SHANK2: variants seen among roughly 807,000 people sequenced by gnomAD.
SHANK2 encodes the protein SH3 and multiple ankyrin repeat domains 2.
SHANK2 carries 43 observed loss-of-function variants against 133.7 expected under a neutral mutation model. The observed-to-expected ratio is 0.32, with a 90% CI of 0.25 to 0.41. The LOEUF (loss-of-function observed/expected upper bound fraction) is 0.41, where lower values mean the gene tolerates loss of function less well. Among genes scored for constraint, SHANK2 ranks in the 10% least tolerant of loss-of-function variants. The pLI is 1.00. For missense variants in SHANK2, 1,994 were observed against 2,235.8 expected, an observed-to-expected ratio of 0.89 and a Z score of 2.18; for synonymous variants, 1,017 against 952.8, an observed-to-expected ratio of 1.07 and a Z score of -1.24.
chr11:70,704,873 C>A (rs1407570094), intron 14 of SHANK2, among the ~76,000 whole-genome samples: 1 of 152,228 alleles, frequency 6.6e-6, no homozygotes, highest in African/African-American at 2.4e-5. Flanking sequence ...TCTTAGCTCT[C>A]CTGTGGTTGA....
At chr11:71,189,567 T>A (rs1239978533) in intron 2 of SHANK2, among the ~76,000 whole-genome samples, 1 of 152,152 alleles carries the variant, frequency 6.6e-6, no homozygotes, top group Non-Finnish European at 1.5e-5. Flanking sequence ...CCAGCTAAGT[T>A]TTTTTTATTT....
At chr11:70,944,557 G>A (rs1393521244) in intron 10 of SHANK2, among the ~76,000 whole-genome samples, 1 of 152,230 alleles carries the variant, frequency 6.6e-6, no homozygotes, top group Non-Finnish European at 1.5e-5. Flanking sequence ...CCATATGGCT[G>A]CTGAGAGGTC....
chr11:71,066,952 G>T (rs1470112272), intron 9 of SHANK2, among the ~76,000 whole-genome samples: 6 of 152,160 alleles, frequency 3.9e-5, no homozygotes, highest in African/African-American at 1.4e-4. Context: ...CCAGTCAGTG[G>T]GTTACAGGAA....
intron 14 of SHANK2, among the ~76,000 whole-genome samples, chr11:70,734,953 G>T (rs568532207): frequency 6.6e-6 from 1 of 152,222 alleles, no homozygotes; most frequent in African/African-American, 2.4e-5. Context: ...CAGTACAAGG[G>T]GGATTCTGGG....
chr11:70,813,693 T>A (rs751287381), intron 12 of SHANK2, among the ~76,000 whole-genome samples: 3 of 152,070 alleles, frequency 2.0e-5, no homozygotes, highest in Non-Finnish European at 4.4e-5. Context: ...GCCCTTAGCG[T>A]CTGTCAAATG....
intron 17 of SHANK2, among the ~76,000 whole-genome samples, chr11:70,585,193 G>A (rs983789751): frequency 6.6e-6 from 1 of 152,242 alleles, no homozygotes; most frequent in Admixed American, 6.5e-5. Context: ...TCGAGGGTGG[G>A]CTCCTGATCA....
At chr11:70,863,820 C>A (rs1555068445) in intron 11 of SHANK2, 3 of 457,788 alleles carry the variant, frequency 6.6e-6, no homozygotes, top group Non-Finnish European at 1.3e-5. Flanking sequence ...GAAACCTGGA[C>A]AGACAGGAAG....
At chr11:71,230,222 A>G (rs3020026) in intron 1 of SHANK2, among the ~76,000 whole-genome samples, 81,231 of 151,846 alleles carry the variant, frequency 0.53, 24,989 homozygotes, top group African/African-American at 0.86. Flanking sequence ...CCTGGGAAGC[A>G]GAGGTTGCAG....
intron 17 of SHANK2, among the ~76,000 whole-genome samples, chr11:70,592,537 G>A (rs551085396): frequency 6.6e-6 from 1 of 152,170 alleles, no homozygotes; most frequent in East Asian, 1.9e-4. Context: ...TCTGAAGGCC[G>A]TGCGGCATCT....
intron 17 of SHANK2, among the ~76,000 whole-genome samples, chr11:70,528,056 C>T (rs1210040433): frequency 1.3e-5 from 2 of 152,226 alleles, no homozygotes; most frequent in East Asian, 3.9e-4. Context: ...GTCCTCCCAT[C>T]CCTGCAGATG....
At chr11:70,887,155 G>A (rs1949760064) in intron 11 of SHANK2, among the ~76,000 whole-genome samples, 1 of 152,186 alleles carries the variant, frequency 6.6e-6, no homozygotes, top group Non-Finnish European at 1.5e-5. Context: ...CCGGCACCCG[G>A]ACAGTCTTGC....
chr11:70,600,226 C>G (rs1480185336), intron 17 of SHANK2, among the ~76,000 whole-genome samples: 2 of 151,784 alleles, frequency 1.3e-5, no homozygotes, highest in Non-Finnish European at 2.9e-5. Flanking sequence ...TGAGACCAAC[C>G]TGAACAACAT....
At chr11:71,235,253 C>T (rs1555123550) in intron 1 of SHANK2, among the ~76,000 whole-genome samples, 11 of 152,056 alleles carry the variant, frequency 7.2e-5, no homozygotes, top group Non-Finnish European at 1.6e-4. Flanking sequence ...GAACTTCTGG[C>T]CCCACTAGCT....
intron 11 of SHANK2, among the ~76,000 whole-genome samples, chr11:70,832,114 G>A (rs1948735259): frequency 6.6e-6 from 1 of 152,226 alleles, no homozygotes; most frequent in South Asian, 2.1e-4. Flanking sequence ...TGAGCTCTCT[G>A]TGCCTCTGTT....
At chr11:70,756,179 G>T (rs984917473) in intron 14 of SHANK2, among the ~76,000 whole-genome samples, 3 of 152,164 alleles carry the variant, frequency 2.0e-5, no homozygotes, top group African/African-American at 7.2e-5. Flanking sequence ...GCGAGGCAGA[G>T]AACCTTCCAG....
At chr11:70,947,984 C>G (rs11238057) in intron 10 of SHANK2, among the ~76,000 whole-genome samples, 1 of 152,106 alleles carries the variant, frequency 6.6e-6, no homozygotes, top group African/African-American at 2.4e-5. Flanking sequence ...ATCCCACCCC[C>G]ACCTCTGCAG....
chr11:71,152,906 G>A (rs1234192220), intron 2 of SHANK2, among the ~76,000 whole-genome samples: 2 of 152,118 alleles, frequency 1.3e-5, no homozygotes, highest in East Asian at 1.9e-4. Flanking sequence ...TAACTCCCGG[G>A]GAGAGCCACC....
intron 2 of SHANK2, among the ~76,000 whole-genome samples, chr11:71,187,761 C>CT (rs137995528): frequency 0.04 from 6,146 of 152,262 alleles, 294 homozygotes; most frequent in East Asian, 0.16. Flanking sequence ...GGCCCATCCT[C>CT]TAAGATGTTT....
At chr11:70,912,390 G>A (rs554061592) in intron 10 of SHANK2, among the ~76,000 whole-genome samples, 3 of 152,216 alleles carry the variant, frequency 2.0e-5, no homozygotes, top group Non-Finnish European at 4.4e-5. Context: ...ACATGTTGTG[G>A]GAGGGACCCG....
Sources: gnomAD v4.1 joint callset for allele counts (sites outside exome capture counted in the v4.1 genomes callset) on GRCh38, gnomAD v4.1.1 for gene constraint, MANE v1.5 for transcripts, NCBI Gene and HGNC (gene_info 2026-07-23, HGNC 2026-07-21) for gene names.